LRRTM4: variants seen among roughly 807,000 people sequenced by gnomAD.
LRRTM4 encodes leucine rich repeat transmembrane neuronal 4.
A neutral mutation model predicts 47.6 loss-of-function variants in LRRTM4; 25 were observed. The ratio of observed to expected loss-of-function variants is 0.53; its 90% CI spans 0.38 to 0.73. The LOEUF is 0.73. LRRTM4 is among the 30% of genes least tolerant of loss of function. The probability of loss-of-function intolerance (pLI) is 0.00; values close to 1 mark genes in which losing one functional copy is unlikely to be tolerated. For missense variants in LRRTM4, 638 were observed against 713.4 expected (o/e 0.89, Z 1.20); for synonymous variants, 311 against 269.5 (o/e 1.15, Z -1.51).
rs186701149 is a variant in LRRTM4, at chr2:76,902,823, T to C, written c.1552-153907A>G. Among the ~76,000 whole-genome samples, 10 of 152,294 alleles carry C rather than the reference T, an allele frequency of 6.6e-5. No individual in the cohort carries two copies. In the East Asian group the frequency reaches 1.9e-3, roughly 29 times the overall value. On this transcript the variant is annotated intron_variant, in intron 3 of 3. Transcript: ENST00000409884. ...GAGTTGTACATTAGATGGCCCCAAATTGATAGATTCCCCTGGTGCATTTGA... is the reference window on the plus strand; with the variant it reads ...GAGTTGTACATTAGATGGCCCCAAACTGATAGATTCCCCTGGTGCATTTGA...
chr2:77,490,646 T>A (rs1258260954), intron 3 of LRRTM4, among the ~76,000 whole-genome samples: 3 of 151,402 alleles, frequency 2.0e-5, no homozygotes, highest in Non-Finnish European at 4.4e-5. Flanking sequence ...GCAGTCTAAG[T>A]AGGGGAAGAT....
chr2:77,050,316 T>A (rs1430479933), intron 3 of LRRTM4, among the ~76,000 whole-genome samples: 1 of 152,132 alleles, frequency 6.6e-6, no homozygotes, highest in Non-Finnish European at 1.5e-5. Context: ...GATGGGCCAC[T>A]GGCCCCAACA....
chr2:76,875,197 T>C (rs1672744218), intron 3 of LRRTM4, among the ~76,000 whole-genome samples: 1 of 152,006 alleles, frequency 6.6e-6, no homozygotes, highest in Non-Finnish European at 1.5e-5. Flanking sequence ...ATATGAAGAG[T>C]CTGCATTTGC....
At chr2:76,931,065 G>C (rs996461231) in intron 3 of LRRTM4, among the ~76,000 whole-genome samples, 1 of 151,824 alleles carries the variant, frequency 6.6e-6, no homozygotes, top group Admixed American at 6.6e-5. Flanking sequence ...TTTTACAGCA[G>C]TTATCTTACC....
intron 3 of LRRTM4, among the ~76,000 whole-genome samples, chr2:76,768,106 T>G (rs868337643): frequency 6.6e-6 from 1 of 152,292 alleles, no homozygotes; most frequent in Non-Finnish European, 1.5e-5. Context: ...ATGTGCATAT[T>G]ATATAGAGAT....
intron 3 of LRRTM4, among the ~76,000 whole-genome samples, chr2:77,336,891 A>G (rs1363586797): frequency 3.3e-5 from 5 of 152,152 alleles, no homozygotes; most frequent in Non-Finnish European, 7.3e-5. Context: ...ACAATGAACC[A>G]AAAGACATCC....
chr2:77,460,805 A>AT (rs954757875), intron 3 of LRRTM4, among the ~76,000 whole-genome samples: 1 of 148,832 alleles, frequency 6.7e-6, no homozygotes, highest in African/African-American at 2.4e-5. Flanking sequence ...TAAAAGCCCC[A>AT]TAAAAAGTTT....
chr2:77,098,974 T>C (rs1307943755), intron 3 of LRRTM4, among the ~76,000 whole-genome samples: 1 of 151,954 alleles, frequency 6.6e-6, no homozygotes, highest in Non-Finnish European at 1.5e-5. Flanking sequence ...AGTCTGAAAG[T>C]GTCAAATAAT....
intron 3 of LRRTM4, among the ~76,000 whole-genome samples, chr2:77,377,955 G>T (rs951959731): frequency 6.6e-6 from 1 of 151,776 alleles, no homozygotes; most frequent in South Asian, 2.1e-4. Context: ...TTTCTTTAAT[G>T]TCTGTATTCC....
At chr2:76,948,756 T>C (rs1675405728) in intron 3 of LRRTM4, among the ~76,000 whole-genome samples, 1 of 151,874 alleles carries the variant, frequency 6.6e-6, no homozygotes, top group South Asian at 2.1e-4. Context: ...TTATAAGGAC[T>C]CATTGAATAG....
At chr2:76,812,459 G>T (rs1670762233) in intron 3 of LRRTM4, among the ~76,000 whole-genome samples, 2 of 152,106 alleles carry the variant, frequency 1.3e-5, no homozygotes, top group African/African-American at 2.4e-5. Flanking sequence ...GAGAGTGTTG[G>T]GAAGGCCTGA....
At chr2:77,162,339 G>A (rs1672753402) in intron 3 of LRRTM4, among the ~76,000 whole-genome samples, 1 of 152,160 alleles carries the variant, frequency 6.6e-6, no homozygotes, top group Non-Finnish European at 1.5e-5. Flanking sequence ...GAATTGGGTG[G>A]AGCCCAACAC....
At chr2:76,790,770 CTT>C (rs1412413703) in intron 3 of LRRTM4, among the ~76,000 whole-genome samples, 1 of 151,566 alleles carries the variant, frequency 6.6e-6, no homozygotes, top group East Asian at 1.9e-4. Flanking sequence ...TAAATCTACT[CTT>C]TGATCAAATT....
intron 3 of LRRTM4, among the ~76,000 whole-genome samples, chr2:77,347,146 C>T (rs1265917476): frequency 4.6e-5 from 7 of 152,118 alleles, no homozygotes; most frequent in Non-Finnish European, 8.8e-5. Flanking sequence ...GACAAAAGAC[C>T]GTAACTCCTA....
In LRRTM4 at chr2:77,380,476, A is replaced by C. The variant is rs189591634; in HGVS notation, c.1551+137842T>G. ...AAACACAAGTTTAGTAAAATGGCAG[A>C]AATTTAAACTTGCAGTAGCATGTTT... is the stretch of plus-strand genomic sequence containing the variant. On this transcript the variant is annotated intron_variant, in intron 3 of 3. Transcript: ENST00000409884. 9.0e-4 allele frequency among the ~76,000 whole-genome samples: 137 copies of C among 152,286 alleles called. 1 individual carries two copies. Among genetic ancestry groups the C allele is most frequent in the African/African-American group, 3.1e-3 (129 of 41,574 alleles).
chr2:77,461,140 A>T (rs1676771586), intron 3 of LRRTM4, among the ~76,000 whole-genome samples: 1 of 94,890 alleles, frequency 1.1e-5, no homozygotes, highest in Non-Finnish European at 2.4e-5. Flanking sequence ...ATACACAGTG[A>T]GAGAGAGAGA....
chr2:76,960,419 A>C (rs1288557558), intron 3 of LRRTM4, among the ~76,000 whole-genome samples: 2 of 151,690 alleles, frequency 1.3e-5, no homozygotes, highest in Non-Finnish European at 3.0e-5. Flanking sequence ...CACAAACATC[A>C]AAATATTTAA....
intron 3 of LRRTM4, among the ~76,000 whole-genome samples, chr2:77,305,543 T>C (rs557452005): frequency 6.6e-6 from 1 of 152,136 alleles, no homozygotes; most frequent in Non-Finnish European, 1.5e-5. Context: ...TTTTGCTGAA[T>C]GAAGTGCTTT....
chr2:76,989,894 T>C (rs1379940500), intron 3 of LRRTM4: 1 of 151,850 alleles, frequency 6.6e-6, no homozygotes, highest in Non-Finnish European at 1.5e-5. Context: ...AGAAGCTAAT[T>C]GTGATAAAAC....
Sources: allele counts gnomAD v4.1 joint callset (sites outside exome capture counted in the v4.1 genomes callset), GRCh38; gene constraint gnomAD v4.1.1; transcripts MANE v1.5; gene names NCBI Gene and HGNC (gene_info 2026-07-23, HGNC 2026-07-21).